Variants in SUPT20H observed in about 807,000 individuals in gnomAD.
The protein encoded by SUPT20H is SPT20 homolog, SAGA complex component.
A neutral mutation model predicts 122.8 loss-of-function variants in SUPT20H; 82 were observed. The ratio of observed to expected loss-of-function variants is 0.67; its 90% confidence interval spans 0.56 to 0.80. The LOEUF (loss-of-function observed/expected upper bound fraction) is 0.80. SUPT20H is among the 30% of genes least tolerant of loss of function. The probability of loss-of-function intolerance (pLI) is 0.00; values close to 1 mark genes in which losing one functional copy is unlikely to be tolerated. For synonymous variants in SUPT20H, 291 were observed against 313.0 expected, an observed-to-expected ratio of 0.93 and a Z score of 0.74; for missense variants, 831 against 921.6, an observed-to-expected ratio of 0.90 and a Z score of 1.27.
chr13:37,040,362 C>A (rs369611507), intron 9 of SUPT20H, 43 bp downstream of exon 9: 14 of 1,489,818 alleles, frequency 9.4e-6, no homozygotes, highest in Non-Finnish European at 1.1e-5. Flanking sequence ...TTTTTTTCAT[C>A]CTATATTTTG....
chr13:37,059,606 C>G lies in SUPT20H; in HGVS notation c.-141G>C, dbSNP rs529992166. 2 of 152,312 alleles carry G rather than the reference C, an allele frequency of 1.3e-5. No individual in the cohort carries two copies. The highest frequency in any genetic ancestry group is 2.1e-4 in the South Asian group (1 of 4,840). 9.4% of individuals were successfully genotyped at this position (152,312 alleles called of 1,614,324 possible). On this transcript the variant is annotated 5_prime_UTR_variant, in exon 1 of 26. Coordinates refer to ENST00000350612, the MANE Select transcript of SUPT20H (RefSeq NM_001014286.3). ...AGGCCCCAAGACGGCGCCGCCTGCT[C>G]GGCAGCAAAGCCCACCCGCCCCGTC...
chr13:37,036,330 T>G lies in SUPT20H; in HGVS notation c.568-2742A>C, dbSNP rs75892233. Among the ~76,000 whole-genome samples the G allele has an allele frequency of 2.5e-4, 16 of 64,850 alleles. No individual in the cohort carries two copies. In the East Asian group the frequency reaches 0.028, roughly 113 times the overall value. 42.5% of individuals were successfully genotyped at this position (64,850 alleles called of 152,430 possible). A position where few individuals can be genotyped will look rare whatever the true frequency, so the allele number is the denominator to read the frequency against. ...ATGCAGGTCCACTTAAACTGGAGTTTTTTTTTTTTCTTTGAGACGGAGTCT... is the reference window on the plus strand; with the variant it reads ...ATGCAGGTCCACTTAAACTGGAGTTGTTTTTTTTTCTTTGAGACGGAGTCT... On this transcript the variant is annotated intron_variant, in intron 9 of 25. Transcript: ENST00000350612.
intron 7 of SUPT20H, among the ~76,000 whole-genome samples, chr13:37,043,412 CAG>C (rs1176353228): frequency 6.6e-6 from 1 of 152,154 alleles, no homozygotes; most frequent in Non-Finnish European, 1.5e-5. Flanking sequence ...AAGCTATGAA[CAG>C]AAGTACAGAT....
intron 19 of SUPT20H, among the ~76,000 whole-genome samples, chr13:37,023,251 G>A (rs2061658328): frequency 6.6e-6 from 1 of 152,138 alleles, no homozygotes; most frequent in Admixed American, 6.5e-5. Flanking sequence ...AGATGAAGAT[G>A]TTTATATCTA....
rs2062068815 is a variant in SUPT20H at position 37,025,354 on chromosome 13, C to A, written c.1295G>T (p.Ser432Ile). 6.2e-7 allele frequency: 1 copy of A among 1,613,972 alleles called. No homozygotes were observed. The highest frequency in any genetic ancestry group is 1.1e-5 in the South Asian group (1 of 91,088). Residue 432 changes from serine (S) to isoleucine (I), a missense_variant, in exon 17 of 26, where the codon AGT becomes ATT. Ser to Ile is a moderately radical substitution (Grantham distance 142). Transcript: ENST00000350612. The part of the protein sequence containing the change: ...KMSHSSSGSA[S>I]LSQVSPGKET... ...TTTCCCTGGAGAAACCTGACTCAGA[C>A]TGGCTGAGCCACTGGAGCTGTGTGA...
rs1463893729 is a variant in SUPT20H, at chr13:37,017,240, C to T, written c.1992+5G>A. The T allele has an allele frequency of 1.2e-6, 2 of 1,613,962 alleles. No individual in the cohort carries two copies. The highest frequency in any genetic ancestry group is 1.7e-6 in the Non-Finnish European group (2 of 1,179,942). On this transcript the variant is annotated splice_donor_5th_base_variant and intron_variant, in intron 23 of 25. Transcript: ENST00000350612. ...AAAGCATATGGAAGGCTAGAAAATC[C>T]ATACCTGCTCCCCTGGCTGTTGAGG...
At chr13:37,058,314 C>A (rs372085629) in intron 1 of SUPT20H, among the ~76,000 whole-genome samples, 1 of 152,000 alleles carries the variant, frequency 6.6e-6, no homozygotes, top group East Asian at 1.9e-4. Flanking sequence ...AACACAAGCA[C>A]CATACAACTG....
In SUPT20H at chr13:37,033,392, T is replaced by G. The variant is rs1371606601; in HGVS notation, c.707+57A>C. The G allele has an allele frequency of 9.5e-6, 15 of 1,583,436 alleles. No homozygotes were observed. In the South Asian group the frequency reaches 1.5e-4, roughly 16 times the overall value. On this transcript the variant is annotated intron_variant, in intron 10 of 25. Transcript: ENST00000350612. ...CCCTGGAGGGAAAAGATACTATAAATAGCAAAATTTATAGCTACTTGTGTC... is the reference window on the plus strand; with the variant it reads ...CCCTGGAGGGAAAAGATACTATAAAGAGCAAAATTTATAGCTACTTGTGTC...
At chr13:37,009,841 G>A (rs2059274122) in intron 25 of SUPT20H, 32 bp from the exon 26 acceptor site, 1 of 1,599,208 alleles carries the variant, frequency 6.3e-7, no homozygotes, top group Non-Finnish European at 8.5e-7. Flanking sequence ...ATCGAGTTAT[G>A]TTAAATGCAG....
intron 7 of SUPT20H, among the ~76,000 whole-genome samples, chr13:37,040,996 C>T (rs2065363157): frequency 6.6e-6 from 1 of 152,200 alleles, no homozygotes; most frequent in Non-Finnish European, 1.5e-5. Flanking sequence ...TATTATGTTA[C>T]AGATCCTTGG....
At position 37,016,277 on chromosome 13, in the gene SUPT20H, A is replaced by T. The variant is rs924934689; in HGVS notation, c.1992+968T>A. Among the ~76,000 whole-genome samples, 9 of 152,160 alleles carry T rather than the reference A, an allele frequency of 5.9e-5. No homozygotes were observed. In the South Asian group the frequency reaches 8.3e-4, roughly 14 times the overall value. On this transcript the variant is annotated intron_variant, in intron 23 of 25. Transcript: ENST00000350612. Reference sequence around the variant, plus strand: ...CCGTCTCTACTAAAAATACAAAAAAAAAATTAGTCGGGCGTGGTGGCACAT... The same window carrying T: ...CCGTCTCTACTAAAAATACAAAAAATAAATTAGTCGGGCGTGGTGGCACAT...
At chr13:37,028,750 G>A (rs2062767634) in intron 13 of SUPT20H, among the ~76,000 whole-genome samples, 1 of 151,710 alleles carries the variant, frequency 6.6e-6, no homozygotes, top group South Asian at 2.1e-4. Flanking sequence ...TAAATGAATT[G>A]CCTAGGGTCA....
intron 4 of SUPT20H, 29 bp from the exon 5 acceptor site, chr13:37,047,630 A>T (rs751549297): frequency 1.3e-5 from 17 of 1,354,016 alleles, no homozygotes; most frequent in Non-Finnish European, 1.4e-5. Context: ...ACAAATATAT[A>T]AAATGTTAAC....
intron 1 of SUPT20H, 122 bp downstream of exon 1, chr13:37,059,437 A>T (rs2070138258): frequency 6.6e-6 from 1 of 151,484 alleles, no homozygotes; most frequent in African/African-American, 2.4e-5. Context: ...GTCTCTGGGG[A>T]CCCCGTCTTC....
chr13:37,059,042 A>G (rs924116249), intron 1 of SUPT20H, among the ~76,000 whole-genome samples: 10 of 152,172 alleles, frequency 6.6e-5, no homozygotes, highest in Non-Finnish European at 1.5e-4. Flanking sequence ...CTGTTCTCCA[A>G]GTTCATTTCT....
In SUPT20H at chr13:37,024,204, A is replaced by C. The variant is rs2061817388; in HGVS notation, c.1433-11T>G. 1 of 1,595,234 alleles carries C rather than the reference A, an allele frequency of 6.3e-7. No individual in the cohort carries two copies. ...GTGTAAAATAGTTACCTAGAAGAAC[A>C]TAAAAGTTATTTCCTAAATTTATAA... On this transcript the variant is annotated splice_polypyrimidine_tract_variant and intron_variant, in intron 18 of 25. Coordinates refer to ENST00000350612, the MANE Select transcript of SUPT20H (RefSeq NM_001014286.3).
intron 24 of SUPT20H, among the ~76,000 whole-genome samples, chr13:37,011,086 T>G (rs1348766461): frequency 6.6e-6 from 1 of 152,048 alleles, no homozygotes; most frequent in Non-Finnish European, 1.5e-5. Flanking sequence ...AATATCAGAC[T>G]ACTCTACTAA....
intron 24 of SUPT20H, among the ~76,000 whole-genome samples, chr13:37,011,931 G>A (rs561201975): frequency 6.6e-6 from 1 of 152,168 alleles, no homozygotes; most frequent in East Asian, 1.9e-4. Flanking sequence ...TGGTAACCTA[G>A]TAAAGTGGAT....
At position 37,017,288 on chromosome 13, in the gene SUPT20H, GGTT is replaced by G. The variant is rs751466067; in HGVS notation, c.1946_1948del (p.Gln649del). On this transcript the variant is annotated inframe_deletion, in exon 23 of 26. Transcript: ENST00000350612. The stretch of plus-strand genomic sequence containing the variant: ...AGGACTACAAGTTGTGGGCTGCTGA[GGTT>G]GTTGTGGTGTAAACTGGGAGAGCTG... The G allele has an allele frequency of 4.0e-5, 65 of 1,613,992 alleles. No homozygotes were observed. The highest frequency in any genetic ancestry group is 5.2e-5 in the Non-Finnish European group (61 of 1,179,994).
Sources: allele counts gnomAD v4.1 joint callset (sites outside exome capture counted in the v4.1 genomes callset), GRCh38; gene constraint gnomAD v4.1.1; transcripts MANE v1.5; gene names NCBI Gene and HGNC (gene_info 2026-07-23, HGNC 2026-07-21).